Variants in GRIA4 observed in about 807,000 individuals in gnomAD.
GRIA4 encodes the protein glutamate receptor 4.
Under a neutral mutation model 104.0 loss-of-function variants are expected in GRIA4, and 34 were observed. That is an observed-to-expected ratio of 0.33 (90% CI 0.25 to 0.44). The LOEUF is 0.44. Among genes scored for constraint, GRIA4 ranks in the 20% least tolerant of loss-of-function variants. The probability of loss-of-function intolerance (pLI) is 1.00; values close to 1 mark genes in which losing one functional copy is unlikely to be tolerated. For synonymous variants in GRIA4, 386 were observed against 381.9 expected (o/e 1.01, Z -0.13); for missense variants, 750 against 1,096.5 (o/e 0.68, Z 4.46).
chr11:105,896,535 T>C (rs1946658256), intron 6 of GRIA4, among the ~76,000 whole-genome samples: 1 of 152,168 alleles, frequency 6.6e-6, no homozygotes, highest in Non-Finnish European at 1.5e-5. Context: ...TTAAGTTTTC[T>C]AGTAGGATTT....
At chr11:105,658,416 T>G (rs1274595138) in intron 3 of GRIA4, among the ~76,000 whole-genome samples, 1 of 151,816 alleles carries the variant, frequency 6.6e-6, no homozygotes, top group East Asian at 1.9e-4. Flanking sequence ...TCAAATGGCC[T>G]GGAATTTATA....
intron 4 of GRIA4, among the ~76,000 whole-genome samples, chr11:105,820,914 G>C (rs1249600083): frequency 6.6e-6 from 1 of 152,092 alleles, no homozygotes; most frequent in Non-Finnish European, 1.5e-5. Context: ...CCAAAAATTG[G>C]TCAGCAGGCT....
At chr11:105,678,889 G>C (rs1205737548) in intron 3 of GRIA4, among the ~76,000 whole-genome samples, 2 of 152,072 alleles carry the variant, frequency 1.3e-5, no homozygotes, top group Admixed American at 6.6e-5. Flanking sequence ...CATAAGTAAG[G>C]GGAGGATTAT....
At chr11:105,679,835 G>C (rs1952654403) in intron 3 of GRIA4, among the ~76,000 whole-genome samples, 2 of 152,102 alleles carry the variant, frequency 1.3e-5, no homozygotes, top group African/African-American at 4.8e-5. Flanking sequence ...AAGATCCTCA[G>C]CTGGCTGTAG....
intron 16 of GRIA4, among the ~76,000 whole-genome samples, chr11:105,976,851 G>T (rs1042306784): frequency 6.6e-6 from 1 of 151,910 alleles, no homozygotes; most frequent in African/African-American, 2.4e-5. Flanking sequence ...AAGATGAATA[G>T]AAATGGCATT....
intron 8 of GRIA4, among the ~76,000 whole-genome samples, chr11:105,904,281 G>A (rs1268299462): frequency 6.6e-6 from 1 of 152,174 alleles, no homozygotes; most frequent in Admixed American, 6.5e-5. Context: ...AGATTAGCAG[G>A]GGCTCTTGGC....
chr11:105,754,713 T>C (rs1337049689), intron 4 of GRIA4, among the ~76,000 whole-genome samples: 1 of 152,206 alleles, frequency 6.6e-6, no homozygotes. Flanking sequence ...AGCAACATAT[T>C]ATATTTAAAA....
intron 4 of GRIA4, among the ~76,000 whole-genome samples, chr11:105,805,582 A>G (rs1432136208): frequency 6.6e-6 from 1 of 151,792 alleles, no homozygotes; most frequent in African/African-American, 2.4e-5. Context: ...AAACATCACC[A>G]TAAACTAAAT....
chr11:105,908,312 T>G (rs1947114693), intron 9 of GRIA4, among the ~76,000 whole-genome samples: 1 of 152,242 alleles, frequency 6.6e-6, no homozygotes, highest in Admixed American at 6.5e-5. Context: ...AAAACCACTT[T>G]TCACTCACTT....
At position 105,695,500 on chromosome 11, in the gene GRIA4, GTC is replaced by G. The variant is rs777284025; in HGVS notation, c.248-57479_248-57478del. Among the ~76,000 whole-genome samples, 783 of 113,728 alleles carry G rather than the reference GTC, an allele frequency of 6.9e-3. 4 individuals carry two copies. The highest frequency in any genetic ancestry group is 0.014 in the African/African-American group (447 of 31,174). 74.6% of individuals were successfully genotyped at this position (113,728 alleles called of 152,430 possible). A position where few individuals can be genotyped will look rare whatever the true frequency, so the allele number is the denominator to read the frequency against. On this transcript the variant is annotated intron_variant, in intron 3 of 16. Coordinates refer to ENST00000282499, the MANE Select transcript of GRIA4 (RefSeq NM_000829.4). ...TGTCTGTGTGTGTGTGTGTGTGTGT[GTC>G]TGTGTGTGTGTGCGTGCGCGTTTGG...
In GRIA4 at chr11:105,650,776, G is replaced by A. The variant is rs116702352; in HGVS notation, c.247+38342G>A. Among the ~76,000 whole-genome samples, 399 of 152,146 alleles carry A rather than the reference G, an allele frequency of 2.6e-3. 3 individuals carry two copies. The highest frequency in any genetic ancestry group is 9.2e-3 in the African/African-American group (381 of 41,516). On this transcript the variant is annotated intron_variant, in intron 3 of 16. Transcript: ENST00000282499. ...TTTATGCAGATGGTCCATGAAATAC[G>A]TTCACTTTAGACTTTCAAATGACAA...
At position 105,979,647 on chromosome 11, in the gene GRIA4, G is replaced by T. The variant is rs1158277612; in HGVS notation, c.2617G>T (p.Val873Phe). 1 of 1,613,728 alleles carries T rather than the reference G, an allele frequency of 6.2e-7. No homozygotes were observed. The highest frequency in any genetic ancestry group is 2.2e-5 in the East Asian group (1 of 44,886). Residue 873 changes from valine to phenylalanine, a missense_variant, in exon 17 of 17, where the codon GTC (valine) becomes TTC (phenylalanine). Val to Phe is a conservative substitution (Grantham distance 50, BLOSUM62 -1). Coordinates refer to ENST00000282499, the MANE Select transcript of GRIA4 (RefSeq NM_000829.4). ...ITGSVGENGR[V>F]LTPDCPKAVH... ...TGGGAGTGTGGGAGAGAATGGCCGC[G>T]TCTTGACGCCTGACTGCCCAAAGGC...
chr11:105,721,422 T>C (rs1245670396), intron 3 of GRIA4, among the ~76,000 whole-genome samples: 1 of 152,116 alleles, frequency 6.6e-6, no homozygotes. Context: ...GATTCAAGGA[T>C]TCTTACAGTT....
At chr11:105,618,374 C>T (rs549617676) in intron 3 of GRIA4, among the ~76,000 whole-genome samples, 6 of 151,948 alleles carry the variant, frequency 3.9e-5, no homozygotes, top group African/African-American at 1.2e-4. Flanking sequence ...TAAAGTAATA[C>T]GATTTACAAT....
chr11:105,790,907 C>T (rs953153293), intron 4 of GRIA4, among the ~76,000 whole-genome samples: 1 of 152,116 alleles, frequency 6.6e-6, no homozygotes, highest in African/African-American at 2.4e-5. Context: ...CTTTGCTGCC[C>T]TGAAGAACCT....
intron 4 of GRIA4, among the ~76,000 whole-genome samples, chr11:105,812,930 T>C (rs1221294664): frequency 6.6e-6 from 1 of 151,486 alleles, no homozygotes; most frequent in African/African-American, 2.4e-5. Context: ...TGAAACCCCG[T>C]CTCTACTAAA....
chr11:105,627,487 T>C (rs1005013851), intron 3 of GRIA4, among the ~76,000 whole-genome samples: 1 of 152,222 alleles, frequency 6.6e-6, no homozygotes, highest in Non-Finnish European at 1.5e-5. Flanking sequence ...AGACTTCTAA[T>C]AGCACGGTTC....
intron 3 of GRIA4, among the ~76,000 whole-genome samples, chr11:105,614,643 T>G (rs968084576): frequency 6.6e-5 from 10 of 152,148 alleles, no homozygotes; most frequent in African/African-American, 2.4e-4. Context: ...ATTTTGCGTA[T>G]GTTTAAAAAT....
intron 3 of GRIA4, among the ~76,000 whole-genome samples, chr11:105,663,591 T>C (rs1203106602): frequency 6.6e-6 from 1 of 151,900 alleles, no homozygotes; most frequent in Non-Finnish European, 1.5e-5. Flanking sequence ...AAAAGAAATC[T>C]AACATTTGAA....
Sources: gnomAD v4.1 joint callset for allele counts (sites outside exome capture counted in the v4.1 genomes callset) on GRCh38, gnomAD v4.1.1 for gene constraint, MANE v1.5 for transcripts, NCBI Gene and HGNC (gene_info 2026-07-23, HGNC 2026-07-21) for gene names.